ROBO2: variants seen among roughly 807,000 people sequenced by gnomAD.
ROBO2 encodes roundabout guidance receptor 2.
In ROBO2, 53 loss-of-function variants were observed where a neutral mutation model predicts 160.8. The ratio of observed to expected loss-of-function variants is 0.33; its 90% CI spans 0.26 to 0.41. ROBO2 has a LOEUF of 0.41. Ranked by LOEUF, ROBO2 falls within the 10% of genes least tolerant of loss-of-function variation. The pLI is 1.00. For missense variants in ROBO2, 1,577 were observed against 1,722.4 expected, an observed-to-expected ratio of 0.92 and a Z score of 1.49; for synonymous variants, 664 against 611.7, an observed-to-expected ratio of 1.09 and a Z score of -1.26.
intron 5 of ROBO2, among the ~76,000 whole-genome samples, chr3:77,509,896 A>C (rs2089152883): frequency 6.6e-6 from 1 of 152,182 alleles, no homozygotes; most frequent in Admixed American, 6.6e-5. Context: ...TAGAGGTATA[A>C]GTAGATATTA....
intron 2 of ROBO2, among the ~76,000 whole-genome samples, chr3:76,201,617 C>G (rs1267271952): frequency 6.6e-6 from 1 of 152,056 alleles, no homozygotes; most frequent in Non-Finnish European, 1.5e-5. Flanking sequence ...GAGGTTATAG[C>G]TCTTCCCCAT....
chr3:77,267,894 C>T (rs1184018406), intron 2 of ROBO2, among the ~76,000 whole-genome samples: 1 of 152,158 alleles, frequency 6.6e-6, no homozygotes, highest in Admixed American at 6.5e-5. Context: ...CAATAAATCT[C>T]CAACTAATGG....
rs2059298392 is a variant in ROBO2 at position 76,966,447 on chromosome 3, C to G, written c.110-131567C>G. ...AATCATAAGCCAGTAAATGGCAGAG[C>G]CAGAGTTTAATACCAAGTCTGCTTT... On this transcript the variant is annotated intron_variant, in intron 2 of 26. Transcript: ENST00000487694. 2.0e-5 allele frequency among the ~76,000 whole-genome samples: 3 copies of G among 152,110 alleles called. No individual in the cohort carries two copies. The South Asian group carries it at 6.2e-4, about 32-fold the overall frequency.
intron 6 of ROBO2, among the ~76,000 whole-genome samples, chr3:77,538,445 G>A (rs2092290565): frequency 1.3e-5 from 2 of 151,972 alleles, no homozygotes; most frequent in South Asian, 2.1e-4. Context: ...CCAAAGTGCT[G>A]GGATTACAGG....
intron 2 of ROBO2, among the ~76,000 whole-genome samples, chr3:77,381,453 A>T (rs368954108): frequency 1.8e-4 from 28 of 152,310 alleles, no homozygotes; most frequent in East Asian, 1.2e-3. Flanking sequence ...AGCCTAGCTT[A>T]GATCTTCAGA....
intron 2 of ROBO2, among the ~76,000 whole-genome samples, chr3:77,326,931 T>A (rs1191457051): frequency 6.6e-6 from 1 of 152,230 alleles, no homozygotes; most frequent in African/African-American, 2.4e-5. Context: ...AATAACACTT[T>A]ACTCATTTTG....
intron 2 of ROBO2, among the ~76,000 whole-genome samples, chr3:76,129,279 A>C (rs908889233): frequency 6.6e-6 from 1 of 152,130 alleles, no homozygotes; most frequent in Non-Finnish European, 1.5e-5. Flanking sequence ...TACAGTAGTG[A>C]ATGAGATGAC....
chr3:76,578,313 G>T (rs894901515), intron 2 of ROBO2, among the ~76,000 whole-genome samples: 1 of 152,038 alleles, frequency 6.6e-6, no homozygotes, highest in East Asian at 1.9e-4. Context: ...AGTATCATTA[G>T]GTTAAACCGC....
intron 2 of ROBO2, among the ~76,000 whole-genome samples, chr3:76,165,247 C>T (rs2072788740): frequency 6.6e-6 from 1 of 152,170 alleles, no homozygotes; most frequent in Non-Finnish European, 1.5e-5. Context: ...TAACTTACAG[C>T]AGCTTCTACA....
At chr3:76,263,866 A>T (rs1317182204) in intron 2 of ROBO2, among the ~76,000 whole-genome samples, 2 of 152,166 alleles carry the variant, frequency 1.3e-5, no homozygotes, top group Non-Finnish European at 2.9e-5. Flanking sequence ...TGGCACATAC[A>T]CACCATGGAA....
intron 2 of ROBO2, among the ~76,000 whole-genome samples, chr3:75,986,157 A>G (rs1016758165): frequency 6.6e-6 from 1 of 151,502 alleles, no homozygotes; most frequent in Non-Finnish European, 1.5e-5. Context: ...ATCCTCACCA[A>G]CAGTGCACAA....
chr3:76,700,558 G>A (rs942577432), intron 2 of ROBO2, among the ~76,000 whole-genome samples: 4 of 152,110 alleles, frequency 2.6e-5, no homozygotes, highest in Middle Eastern at 3.2e-3. Flanking sequence ...CAGTCTTGAT[G>A]AGCTCATTTT....
chr3:76,989,544 GTAAC>G (rs1218290740), intron 2 of ROBO2, among the ~76,000 whole-genome samples: 2 of 151,772 alleles, frequency 1.3e-5, no homozygotes, highest in Non-Finnish European at 2.9e-5. Context: ...TGAAATATTT[GTAAC>G]TAACCGCCGG....
intron 2 of ROBO2, among the ~76,000 whole-genome samples, chr3:77,346,903 C>T (rs999796131): frequency 6.6e-6 from 1 of 152,140 alleles, no homozygotes; most frequent in Non-Finnish European, 1.5e-5. Flanking sequence ...TCTTAAGGGC[C>T]CATGTTATTA....
At chr3:77,147,892 G>A (rs1037807652) in intron 2 of ROBO2, among the ~76,000 whole-genome samples, 1 of 152,034 alleles carries the variant, frequency 6.6e-6, no homozygotes, top group Non-Finnish European at 1.5e-5. Flanking sequence ...CATCCACTCC[G>A]AAAAGTTATA....
intron 2 of ROBO2, among the ~76,000 whole-genome samples, chr3:76,343,977 C>A (rs769174911): frequency 1.3e-5 from 2 of 151,954 alleles, no homozygotes; most frequent in Non-Finnish European, 2.9e-5. Flanking sequence ...TTTTGATATA[C>A]CTTGAATCTA....
intron 2 of ROBO2, among the ~76,000 whole-genome samples, chr3:76,330,617 T>A (rs1251023669): frequency 6.6e-6 from 1 of 152,160 alleles, no homozygotes; most frequent in Non-Finnish European, 1.5e-5. Flanking sequence ...AAAAATAAAA[T>A]AAAAGATCAT....
intron 2 of ROBO2, among the ~76,000 whole-genome samples, chr3:77,292,916 A>C (rs1383656599): frequency 2.0e-5 from 3 of 151,066 alleles, no homozygotes; most frequent in African/African-American, 4.9e-5. Context: ...CTAGATCACC[A>C]AAGACATAAA....
In ROBO2 at chr3:77,151,897, C is replaced by T. The variant is rs535556325; in HGVS notation, c.388+53557C>T. Among the ~76,000 whole-genome samples the T allele has an allele frequency of 1.2e-4, 18 of 152,184 alleles. No individual in the cohort carries two copies. In the South Asian group the frequency reaches 1.5e-3, roughly 12 times the overall value. ...AAAATACTATTGGTTTTCTTGGAATCGCTCCCATTTAAATTCTATCCTTTA... is the reference window on the plus strand; with the variant it reads ...AAAATACTATTGGTTTTCTTGGAATTGCTCCCATTTAAATTCTATCCTTTA... On this transcript the variant is annotated intron_variant, in intron 2 of 25. Transcript: ENST00000461745.
Sources: allele counts gnomAD v4.1 joint callset (sites outside exome capture counted in the v4.1 genomes callset), GRCh38; gene constraint gnomAD v4.1.1; transcripts MANE v1.5; gene names NCBI Gene and HGNC (gene_info 2026-07-23, HGNC 2026-07-21).